The following LRP1B variants were observed in gnomAD, a reference collection of about 807,000 sequenced individuals.
LRP1B encodes low-density lipoprotein receptor-related protein 1B.
A neutral mutation model predicts 556.6 loss-of-function variants in LRP1B; 217 were observed. The ratio of observed to expected loss-of-function variants is 0.39; its 90% CI spans 0.35 to 0.44. The LOEUF (loss-of-function observed/expected upper bound fraction) is 0.44, where lower values mean the gene tolerates loss of function less well. Ranked by LOEUF, LRP1B falls within the 20% of genes least tolerant of loss-of-function variation. LRP1B has a pLI of 1.00. For synonymous variants in LRP1B, 2,047 were observed against 1,865.8 expected, an observed-to-expected ratio of 1.10 and a Z score of -2.50; for missense variants, 5,053 against 5,620.8, an observed-to-expected ratio of 0.90 and a Z score of 3.23.
At chr2:140,235,820 TC>T (rs906289380) in intron 89 of LRP1B, among the ~76,000 whole-genome samples, 11 of 151,058 alleles carry the variant, frequency 7.3e-5, no homozygotes, top group African/African-American at 2.7e-4. Context: ...AAAATAACCC[TC>T]CTTCATATGA....
At position 140,525,935 on chromosome 2, in the gene LRP1B, T is replaced by C. The variant is rs1439852719; in HGVS notation, c.7935A>G (p.Arg2645=). 2 of 1,612,420 alleles carry C rather than the reference T, an allele frequency of 1.2e-6. No individual in the cohort carries two copies. Among genetic ancestry groups the C allele is most frequent in the African/African-American group, 2.7e-5 (2 of 74,914 alleles). The change falls in exon 49 of 91, where the codon AGA becomes AGG. Residue 2645 remains arginine, a synonymous_variant. Transcript: ENST00000389484. ...KLGVKTTGFI[R]CNSTSLCVLP... is the part of the protein sequence containing the mutation. ...GAACACACAGTGAGGTAGAATTACA[T>C]CTTATGAACCCTGTGGTTTTCACTC...
chr2:142,096,143 C>A (rs189592204), intron 1 of LRP1B, among the ~76,000 whole-genome samples: 19 of 151,742 alleles, frequency 1.3e-4, no homozygotes, highest in African/African-American at 4.6e-4. Flanking sequence ...CTACAGACTT[C>A]TTTTATTTAG....
intron 1 of LRP1B, among the ~76,000 whole-genome samples, chr2:141,929,237 T>G (rs1700419773): frequency 6.6e-6 from 1 of 152,088 alleles, no homozygotes; most frequent in Non-Finnish European, 1.5e-5. Flanking sequence ...CCAAAAGCTA[T>G]ACAAACCTCC....
intron 50 of LRP1B, among the ~76,000 whole-genome samples, chr2:140,515,161 A>C (rs1021914922): frequency 1.3e-5 from 2 of 152,060 alleles, no homozygotes; most frequent in African/African-American, 4.8e-5. Context: ...GCCAAGAGAA[A>C]ACACTTACGT....
chr2:141,218,758 T>C (rs1682921160), intron 6 of LRP1B, among the ~76,000 whole-genome samples: 1 of 152,138 alleles, frequency 6.6e-6, no homozygotes, highest in African/African-American at 2.4e-5. Flanking sequence ...CCTGTACATG[T>C]ACCCCTGAAT....
chr2:140,907,815 A>C, intron 22 of LRP1B, 62 bp downstream of exon 22: 1 of 1,394,788 alleles, frequency 7.2e-7, no homozygotes, highest in Admixed American at 1.7e-5. Flanking sequence ...ATTAAGTAAC[A>C]GCAACTGAAC....
intron 43 of LRP1B, among the ~76,000 whole-genome samples, chr2:140,568,114 C>T (rs528593916): frequency 6.7e-6 from 1 of 149,496 alleles, no homozygotes; most frequent in African/African-American, 2.5e-5. Context: ...AATAACTCTC[C>T]AGAAACTGAC....
intron 3 of LRP1B, among the ~76,000 whole-genome samples, chr2:141,380,929 A>T (rs1024573231): frequency 2.5e-4 from 38 of 152,270 alleles, no homozygotes; most frequent in African/African-American, 8.9e-4. Context: ...CTGTTTGATG[A>T]GGTTCCTGTC....
chr2:141,348,564 C>T (rs148921146), intron 3 of LRP1B, among the ~76,000 whole-genome samples: 1,800 of 151,804 alleles, frequency 0.012, 24 homozygotes, highest in South Asian at 0.021. Flanking sequence ...TATCATTATA[C>T]GTATATATGC....
intron 2 of LRP1B, among the ~76,000 whole-genome samples, chr2:141,797,703 A>G (rs1695869213): frequency 2.0e-5 from 3 of 152,170 alleles, no homozygotes; most frequent in Admixed American, 2.0e-4. Context: ...ATGTTCTGAA[A>G]AAATTTTGTT....
intron 35 of LRP1B, among the ~76,000 whole-genome samples, chr2:140,734,254 T>A (rs908988625): frequency 2.0e-5 from 3 of 152,148 alleles, no homozygotes; most frequent in African/African-American, 7.2e-5. Context: ...AATTAGAAAG[T>A]TCCCCTAGGA....
At chr2:140,924,449 C>A (rs1253023985) in intron 20 of LRP1B, among the ~76,000 whole-genome samples, 2 of 151,914 alleles carry the variant, frequency 1.3e-5, no homozygotes, top group East Asian at 3.9e-4. Context: ...CAATTATAAT[C>A]TGTCAGGTGA....
At chr2:141,208,356 A>T (rs936898548) in intron 6 of LRP1B, 6 of 152,220 alleles carry the variant, frequency 3.9e-5, no homozygotes, top group African/African-American at 1.4e-4. Context: ...CCTCGATGAG[A>T]CCATTGCAGC....
intron 3 of LRP1B, among the ~76,000 whole-genome samples, chr2:141,272,533 A>G (rs1024489638): frequency 7.2e-5 from 11 of 152,190 alleles, no homozygotes; most frequent in Admixed American, 5.2e-4. Flanking sequence ...TATCAACAGC[A>G]TAAAAACTTC....
chr2:141,670,842 G>A (rs1030617668), intron 2 of LRP1B, among the ~76,000 whole-genome samples: 3 of 152,122 alleles, frequency 2.0e-5, no homozygotes, highest in African/African-American at 7.2e-5. Context: ...TTACAAATTT[G>A]CCATATTCTG....
chr2:140,767,987 AG>A lies in LRP1B; in HGVS notation c.5758+1225del, dbSNP rs940475111. The stretch of plus-strand genomic sequence containing the variant: ...AGACAAGGTAGATTATTCATTGTAG[AG>A]GTAATTAGCCTTCCACCAATAATGA... On this transcript the variant is annotated intron_variant, in intron 35 of 90. Transcript: ENST00000389484. Among the ~76,000 whole-genome samples, 5 of 151,948 alleles carry A rather than the reference AG, an allele frequency of 3.3e-5. No homozygotes were observed. In the East Asian group the frequency reaches 9.6e-4, roughly 29 times the overall value.
chr2:140,379,778 C>T (rs939606820), intron 67 of LRP1B, among the ~76,000 whole-genome samples: 2 of 152,076 alleles, frequency 1.3e-5, no homozygotes, highest in Non-Finnish European at 2.9e-5. Flanking sequence ...GCAAGCATTT[C>T]GTTCTACTCT....
intron 1 of LRP1B, among the ~76,000 whole-genome samples, chr2:142,045,192 G>A (rs1452188556): frequency 6.6e-6 from 1 of 150,796 alleles, no homozygotes; most frequent in Non-Finnish European, 1.5e-5. Flanking sequence ...GTAGGAGTAA[G>A]CAGGAATAGA....
intron 41 of LRP1B, among the ~76,000 whole-genome samples, chr2:140,675,716 G>C (rs141473921): frequency 1.3e-5 from 2 of 152,134 alleles, no homozygotes; most frequent in African/African-American, 4.8e-5. Flanking sequence ...GTTTGAGGTT[G>C]CAGTGCACTA....
Sources: gnomAD v4.1 joint callset for allele counts (sites outside exome capture counted in the v4.1 genomes callset) on GRCh38, gnomAD v4.1.1 for gene constraint, MANE v1.5 for transcripts, NCBI Gene and HGNC (gene_info 2026-07-23, HGNC 2026-07-21) for gene names.